The following NSG2 variants were observed in gnomAD, a reference collection of about 807,000 sequenced individuals.
NSG2 encodes neuronal vesicle trafficking associated 2.
A neutral mutation model predicts 16.9 loss-of-function variants in NSG2; 4 were observed. The ratio of observed to expected loss-of-function variants is 0.24; its 90% CI spans 0.12 to 0.54. The LOEUF (loss-of-function observed/expected upper bound fraction) is 0.54. Among genes scored for constraint, NSG2 ranks in the 20% least tolerant of loss-of-function variants. The pLI is 0.95. For synonymous variants in NSG2, 98 were observed against 88.7 expected (o/e 1.11, Z -0.59); for missense variants, 179 against 221.1 (o/e 0.81, Z 1.21).
intron 2 of NSG2, among the ~76,000 whole-genome samples, chr5:174,050,343 C>T (rs1759868216): frequency 6.6e-6 from 1 of 152,184 alleles, no homozygotes; most frequent in African/African-American, 2.4e-5. Context: ...AGAACAGCTT[C>T]TGGAGGCTAG....
intron 3 of NSG2, among the ~76,000 whole-genome samples, chr5:174,101,072 C>T (rs927357705): frequency 6.6e-6 from 1 of 152,224 alleles, no homozygotes; most frequent in Non-Finnish European, 1.5e-5. Context: ...TGAGCATGCA[C>T]GAGCTCGACA....
chr5:174,091,644 GGTGTGT>G (rs35746227), intron 3 of NSG2, among the ~76,000 whole-genome samples: 8,158 of 139,558 alleles, frequency 0.058, 240 homozygotes, highest in Non-Finnish European at 0.076. Flanking sequence ...AACTAGGACT[GGTGTGT>G]GTGTGTGTGT....
chr5:174,096,622 G>A (rs936765057), intron 3 of NSG2, among the ~76,000 whole-genome samples: 17 of 152,172 alleles, frequency 1.1e-4, no homozygotes, highest in South Asian at 2.1e-4. Flanking sequence ...AGTCTAGGGC[G>A]GACTGGAAGC....
chr5:174,067,909 G>A (rs557644808), intron 3 of NSG2, among the ~76,000 whole-genome samples: 24 of 152,258 alleles, frequency 1.6e-4, no homozygotes, highest in Middle Eastern at 3.4e-3. Context: ...AGGGAGCTGG[G>A]GGGATGCTCT....
intron 3 of NSG2, among the ~76,000 whole-genome samples, chr5:174,082,877 A>G (rs1396043718): frequency 6.6e-6 from 1 of 152,086 alleles, no homozygotes; most frequent in Non-Finnish European, 1.5e-5. Flanking sequence ...TTTCCATCCA[A>G]GCTGCCAAAG....
rs572841542 is a variant in NSG2, at chr5:174,097,595, CTG to C, written c.214-6623_214-6622del. 2.2e-3 allele frequency among the ~76,000 whole-genome samples: 286 copies of C among 130,634 alleles called. 1 individual carries two copies. Among genetic ancestry groups the C allele is most frequent in the African/African-American group, 6.8e-3 (230 of 33,602 alleles). 85.7% of individuals were successfully genotyped at this position (130,634 alleles called of 152,430 possible). A position where few individuals can be genotyped will look rare whatever the true frequency, so the allele number is the denominator to read the frequency against. ...TGTGTGTGTGTCTGTGTGTGTGTAACTGTGTGTGTGTCTGTGTTTCTCTCTGT... is the reference window on the plus strand; with the variant it reads ...TGTGTGTGTGTCTGTGTGTGTGTAACTGTGTGTGTCTGTGTTTCTCTCTGT... On this transcript the variant is annotated intron_variant, in intron 3 of 4. Transcript: ENST00000303177.
At position 174,108,766 on chromosome 5, in the gene NSG2, C is replaced by G. The variant is rs1182285425; in HGVS notation, c.*1261C>G. ...GGAGGCCAGTTCTGCAGGGTGTCAG[C>G]TCCAGGACCCACAGGGCCAGAACCA... On this transcript the variant is annotated 3_prime_UTR_variant, in exon 5 of 5. Coordinates refer to ENST00000303177, the MANE Select transcript of NSG2 (RefSeq NM_015980.5). The G allele has an allele frequency of 6.6e-6, 1 of 152,536 alleles. No individual in the cohort carries two copies. The highest frequency in any genetic ancestry group is 1.5e-5 in the Non-Finnish European group (1 of 68,086). The allele number at this position is 152,536 out of a possible 1,614,324, so 9.4% of individuals were successfully genotyped here. A position where few individuals can be genotyped will look rare whatever the true frequency, so the allele number is the denominator to read the frequency against.
intron 4 of NSG2, among the ~76,000 whole-genome samples, chr5:174,105,458 G>A (rs977056666): frequency 3.9e-5 from 6 of 152,186 alleles, no homozygotes; most frequent in South Asian, 4.1e-4. Context: ...CAACGTTCAC[G>A]TAATGATGTA....
chr5:174,071,999 C>T (rs1476714029), intron 3 of NSG2, among the ~76,000 whole-genome samples: 1 of 152,162 alleles, frequency 6.6e-6, no homozygotes, highest in African/African-American at 2.4e-5. Flanking sequence ...TGCTCACGTT[C>T]CCTCCAACAC....
At chr5:174,098,513 G>C (rs1050636539) in intron 3 of NSG2, among the ~76,000 whole-genome samples, 5 of 152,234 alleles carry the variant, frequency 3.3e-5, no homozygotes, top group Middle Eastern at 3.4e-3. Context: ...TTCCTTGTAG[G>C]ATCTCTGGGC....
intron 3 of NSG2, among the ~76,000 whole-genome samples, chr5:174,075,340 T>C (rs889838049): frequency 1.3e-5 from 2 of 152,210 alleles, no homozygotes; most frequent in Non-Finnish European, 2.9e-5. Context: ...TATGTGTATG[T>C]GTGTGCATGC....
chr5:174,089,314 C>A (rs77898251), intron 3 of NSG2, among the ~76,000 whole-genome samples: 1 of 152,182 alleles, frequency 6.6e-6, no homozygotes, highest in Non-Finnish European at 1.5e-5. Flanking sequence ...TGCCCACCTT[C>A]GCCCCAAAGA....
chr5:174,108,408 C>T lies in NSG2; in HGVS notation c.*903C>T, dbSNP rs1761019063. 6.5e-6 allele frequency: 1 copy of T among 152,798 alleles called. No homozygotes were observed. 9.5% of individuals were successfully genotyped at this position (152,798 alleles called of 1,614,324 possible). A position where few individuals can be genotyped will look rare whatever the true frequency, so the allele number is the denominator to read the frequency against. On this transcript the variant is annotated 3_prime_UTR_variant, in exon 5 of 5. Coordinates refer to ENST00000303177, the MANE Select transcript of NSG2 (RefSeq NM_015980.5). ...GACACTAGGCCACAAGCGATAAGCA[C>T]AGGCACCTGACTTTTAAGTTTTTGT...
At chr5:174,062,287 C>T (rs139230928) in intron 2 of NSG2, among the ~76,000 whole-genome samples, 45 of 152,232 alleles carry the variant, frequency 3.0e-4, no homozygotes, top group African/African-American at 9.1e-4. Context: ...CACACTTGTA[C>T]ACTCCCCTAC....
chr5:174,107,379 C>G lies in NSG2; in HGVS notation c.390C>G (p.Ser130Arg). ...YYSSQDPNSR[S>R]RFYTVISHYS... is the part of the protein sequence containing the mutation. ...CCTCCCAGGACCCCAATTCCAGAAGCCGCTTCTACACAGTCATCAGCCACT... is the reference window on the plus strand; with the variant it reads ...CCTCCCAGGACCCCAATTCCAGAAGGCGCTTCTACACAGTCATCAGCCACT... The change falls in exon 5 of 5, where the codon AGC (serine) becomes AGG (arginine). Residue 130 changes from serine (S) to arginine (R), a missense_variant. Coordinates refer to ENST00000303177, the MANE Select transcript of NSG2 (RefSeq NM_015980.5). This position sits in a 1 kb window ranked among gnomAD's most constrained non-coding sequence, Gnocchi z 4.5. 1 of 1,602,950 alleles carries G rather than the reference C, an allele frequency of 6.2e-7. No individual in the cohort carries two copies. Among genetic ancestry groups the G allele is most frequent in the Admixed American group, 1.7e-5 (1 of 59,598 alleles).
At chr5:174,103,948 G>T (rs1163936049) in intron 3 of NSG2, among the ~76,000 whole-genome samples, 1 of 152,148 alleles carries the variant, frequency 6.6e-6, no homozygotes, top group Non-Finnish European at 1.5e-5. Flanking sequence ...TCTCCAGCCT[G>T]GGTGACAGAG....
intron 1 of NSG2, 100 bp from the exon 2 acceptor site, chr5:174,046,634 C>T: frequency 2.0e-6 from 2 of 1,011,208 alleles, no homozygotes; most frequent in Non-Finnish European, 2.9e-6. Context: ...TTGAAAGCCA[C>T]TTGAGTGGAG....
At chr5:174,104,105 C>G in intron 3 of NSG2, 123 bp from the exon 4 acceptor site, 2 of 684,260 alleles carry the variant, frequency 2.9e-6, no homozygotes, top group South Asian at 1.8e-5. Flanking sequence ...AGAGCCAGTT[C>G]CTTGGGCCTG....
chr5:174,082,546 A>G (rs747902067), intron 3 of NSG2: 1 of 152,314 alleles, frequency 6.6e-6, no homozygotes, highest in East Asian at 1.9e-4. Context: ...AGAGTAGAGC[A>G]TGTTGATTGC....
Sources: allele counts gnomAD v4.1 joint callset (sites outside exome capture counted in the v4.1 genomes callset), GRCh38; gene constraint gnomAD v4.1.1; non-coding constraint Gnocchi (gnomAD v3.1); transcripts MANE v1.5; gene names NCBI Gene and HGNC (gene_info 2026-07-23, HGNC 2026-07-21).